Variants in TSPAN18 observed in about 807,000 individuals in gnomAD.
The protein encoded by TSPAN18 is tetraspanin-18.
TSPAN18 carries 14 observed loss-of-function variants against 27.3 expected under a neutral mutation model. The observed-to-expected ratio is 0.51, with a 90% CI of 0.34 to 0.80. The LOEUF is 0.80. Ranked by LOEUF, TSPAN18 falls within the 30% of genes least tolerant of loss-of-function variation. The probability of loss-of-function intolerance (pLI) is 0.01; values close to 1 mark genes in which losing one functional copy is unlikely to be tolerated. For synonymous variants in TSPAN18, 143 were observed against 136.5 expected, an observed-to-expected ratio of 1.05 and a Z score of -0.33; for missense variants, 268 against 323.9, an observed-to-expected ratio of 0.83 and a Z score of 1.32.
At chr11:44,843,674 G>C (rs1045431245) in intron 2 of TSPAN18, among the ~76,000 whole-genome samples, 1 of 152,166 alleles carries the variant, frequency 6.6e-6, no homozygotes, top group Non-Finnish European at 1.5e-5. Flanking sequence ...CGCCGGGGGG[G>C]CCAGTTCAGA....
chr11:44,868,185 G>A (rs1009020621), intron 3 of TSPAN18, among the ~76,000 whole-genome samples: 1 of 152,222 alleles, frequency 6.6e-6, no homozygotes, highest in Non-Finnish European at 1.5e-5. Flanking sequence ...AGGGGACGCA[G>A]TTGGAGGCTG....
chr11:44,772,924 T>C (rs893346675), intron 2 of TSPAN18, among the ~76,000 whole-genome samples: 13 of 152,080 alleles, frequency 8.5e-5, no homozygotes, highest in African/African-American at 3.1e-4. Flanking sequence ...CCCAAAGTGC[T>C]GGGATTACAG....
In TSPAN18 at chr11:44,853,794, G is replaced by A. The variant is rs570783250; in HGVS notation, c.-152-6534G>A. Among the ~76,000 whole-genome samples, 5 of 152,322 alleles carry A rather than the reference G, an allele frequency of 3.3e-5. No individual in the cohort carries two copies. The East Asian group carries it at 7.7e-4, about 24-fold the overall frequency. On this transcript the variant is annotated intron_variant, in intron 2 of 9. Coordinates refer to ENST00000520358, the MANE Select transcript of TSPAN18 (RefSeq NM_130783.5). ...AGAGGAGAGGACCAGGGCTTCACTT[G>A]GAAACTGACCGGAGTGCAGAAGCAG...
intron 2 of TSPAN18, among the ~76,000 whole-genome samples, chr11:44,841,960 AAC>A (rs1470705770): frequency 6.6e-6 from 1 of 152,232 alleles, no homozygotes; most frequent in Non-Finnish European, 1.5e-5. Context: ...TAAGCTCATC[AAC>A]AGTTATGATT....
intron 1 of TSPAN18, among the ~76,000 whole-genome samples, chr11:44,753,017 G>C (rs1192161352): frequency 2.6e-5 from 4 of 152,262 alleles, no homozygotes; most frequent in African/African-American, 9.6e-5. Context: ...ACCTCTCTTT[G>C]CCTTTTGCCA....
Position 44,919,243 on chromosome 11 carries a change from C to G in TSPAN18, c.363C>G (p.Leu121=), listed in dbSNP as rs1288755603. 1 of 1,614,132 alleles carries G rather than the reference C, an allele frequency of 6.2e-7. No individual in the cohort carries two copies. The highest frequency in any genetic ancestry group is 2.2e-5 in the East Asian group (1 of 44,878). The part of the protein sequence containing the change: ...NLTREFFTKE[L]TKHYQGNNDT... ...CCCGAGAATTCTTCACCAAGGAGCTCACCAAGCACTACCAGGGCAATAACG... is the reference window on the plus strand; with the variant it reads ...CCCGAGAATTCTTCACCAAGGAGCTGACCAAGCACTACCAGGGCAATAACG... Residue 121 remains leucine (L), a synonymous_variant, in exon 7 of 10, where the codon CTC becomes CTG. Transcript: ENST00000520358.
intron 3 of TSPAN18, among the ~76,000 whole-genome samples, chr11:44,882,922 C>T (rs776930002): frequency 2.0e-5 from 3 of 152,174 alleles, no homozygotes; most frequent in Non-Finnish European, 4.4e-5. Flanking sequence ...CTTGAAGCCC[C>T]GTCGGAGTCC....
chr11:44,808,055 C>T (rs1311677148), intron 2 of TSPAN18, among the ~76,000 whole-genome samples: 1 of 152,120 alleles, frequency 6.6e-6, no homozygotes, highest in Non-Finnish European at 1.5e-5. Context: ...GAAATAGGGC[C>T]AGGAGCAGAT....
chr11:44,770,859 G>C (rs1212434957), intron 2 of TSPAN18, among the ~76,000 whole-genome samples: 1 of 152,142 alleles, frequency 6.6e-6, no homozygotes, highest in Non-Finnish European at 1.5e-5. Flanking sequence ...AGAGAAAGAG[G>C]AGTCAAGGCC....
At chr11:44,842,083 G>A (rs1484718368) in intron 2 of TSPAN18, among the ~76,000 whole-genome samples, 3 of 152,214 alleles carry the variant, frequency 2.0e-5, no homozygotes, top group South Asian at 2.1e-4. Context: ...CAGGGCAAAA[G>A]CAGCCCTTGA....
intron 2 of TSPAN18, among the ~76,000 whole-genome samples, chr11:44,838,305 A>G (rs943248401): frequency 2.6e-5 from 4 of 151,818 alleles, no homozygotes; most frequent in East Asian, 3.9e-4. Context: ...GTGTAAAGGA[A>G]CTCCCCTTTA....
At chr11:44,831,387 T>A (rs1857150755) in intron 2 of TSPAN18, among the ~76,000 whole-genome samples, 1 of 152,166 alleles carries the variant, frequency 6.6e-6, no homozygotes, top group Non-Finnish European at 1.5e-5. Context: ...GATGTCAAGA[T>A]GTTGCAGTGC....
chr11:44,908,794 A>AGAAAGAAGGAAG (rs1859580300), intron 4 of TSPAN18, among the ~76,000 whole-genome samples: 1 of 77,830 alleles, frequency 1.3e-5, no homozygotes, highest in Admixed American at 1.5e-4. Context: ...AAAGAAAGAA[A>AGAAAGAAGGAAG]GAAAGAAAGA....
At chr11:44,842,213 C>T (rs893997489) in intron 2 of TSPAN18, among the ~76,000 whole-genome samples, 4 of 152,220 alleles carry the variant, frequency 2.6e-5, no homozygotes, top group Non-Finnish European at 5.9e-5. Flanking sequence ...AAGCAGGCCT[C>T]CTCAGGTCCA....
chr11:44,835,240 A>T (rs932522590), intron 2 of TSPAN18, among the ~76,000 whole-genome samples: 1 of 152,242 alleles, frequency 6.6e-6, no homozygotes, highest in East Asian at 1.9e-4. Flanking sequence ...CCAGCCTAGC[A>T]TACAGCGAGT....
intron 2 of TSPAN18, among the ~76,000 whole-genome samples, chr11:44,783,508 C>T (rs1387196218): frequency 6.6e-6 from 1 of 151,834 alleles, no homozygotes; most frequent in African/African-American, 2.4e-5. Context: ...AAGCGATTCT[C>T]CTGCCTCAGC....
intron 3 of TSPAN18, among the ~76,000 whole-genome samples, chr11:44,891,474 C>A (rs1858848935): frequency 6.6e-6 from 1 of 152,180 alleles, no homozygotes; most frequent in South Asian, 2.1e-4. Flanking sequence ...TAGTTCAAGG[C>A]CAGGTGTACA....
At chr11:44,832,943 A>G (rs1857186083) in intron 2 of TSPAN18, among the ~76,000 whole-genome samples, 1 of 151,994 alleles carries the variant, frequency 6.6e-6, no homozygotes, top group South Asian at 2.1e-4. Flanking sequence ...ATGTCTATCA[A>G]ATAAGGCTAC....
At chr11:44,811,754 ACCCGGCC>A (rs1285592300) in intron 2 of TSPAN18, among the ~76,000 whole-genome samples, 1 of 152,156 alleles carries the variant, frequency 6.6e-6, no homozygotes, top group Non-Finnish European at 1.5e-5. Context: ...GAGCCACTGC[ACCCGGCC>A]TATGTTTTAT....
Sources: allele counts gnomAD v4.1 joint callset (sites outside exome capture counted in the v4.1 genomes callset), GRCh38; gene constraint gnomAD v4.1.1; transcripts MANE v1.5; gene names NCBI Gene and HGNC (gene_info 2026-07-23, HGNC 2026-07-21).